GNA15: variants seen among roughly 807,000 people sequenced by gnomAD.
GNA15 encodes the protein G protein subunit alpha 15, also known as guanine nucleotide-binding protein subunit alpha-15.
Under a neutral mutation model 40.1 loss-of-function variants are expected in GNA15, and 23 were observed. The observed-to-expected ratio is 0.57, with a 90% CI of 0.41 to 0.81. GNA15 has a LOEUF of 0.81. GNA15 is among the 40% of genes least tolerant of loss of function. The pLI, the probability that GNA15 is intolerant of heterozygous loss-of-function variation, is 0.00. For missense variants in GNA15, 522 were observed against 515.8 expected (o/e 1.01, Z -0.12); for synonymous variants, 226 against 210.4 (o/e 1.07, Z -0.64).
At position 3,155,768 on chromosome 19, in the gene GNA15, G is replaced by A; in HGVS notation, c.615-55G>A. ...TATCCCAGACGTGATGGGGGTTGGG[G>A]GTGTCACGGAGCAGGCTCCTGAGCT... On this transcript the variant is annotated intron_variant, in intron 4 of 6. Coordinates refer to ENST00000262958, the MANE Select transcript of GNA15 (RefSeq NM_002068.4). This position sits in a 1 kb window ranked among gnomAD's most constrained non-coding sequence, Gnocchi z 5.6. The A allele has an allele frequency of 6.3e-7, 1 of 1,587,854 alleles. No homozygotes were observed. Among genetic ancestry groups the A allele is most frequent in the South Asian group, 1.1e-5 (1 of 88,188 alleles).
intron 1 of GNA15, among the ~76,000 whole-genome samples, chr19:3,139,509 C>T (rs1230597204): frequency 6.8e-6 from 1 of 147,148 alleles, no homozygotes; most frequent in Non-Finnish European, 1.5e-5. Context: ...GTGAGAGGAT[C>T]ACTTGAGCCT....
rs974709057 is a variant in GNA15 at position 3,136,150 on chromosome 19, C to T, written c.-301C>T. ...CTCACCCTCTCCTGGCACCCTTCAC[C>T]GTCAACCTGTCGGGCCGGGTCTGAG... On this transcript the variant is annotated 5_prime_UTR_variant, in exon 1 of 7. Coordinates refer to ENST00000262958, the MANE Select transcript of GNA15 (RefSeq NM_002068.4). This position sits in a 1 kb window ranked among gnomAD's most constrained non-coding sequence, Gnocchi z 4.9. 2.2e-5 allele frequency: 6 copies of T among 269,230 alleles called. No homozygotes were observed. Among genetic ancestry groups the T allele is most frequent in the African/African-American group, 6.8e-5 (3 of 43,920 alleles). The allele number at this position is 269,230 out of a possible 1,614,324, so 16.7% of individuals were successfully genotyped here. A position where few individuals can be genotyped will look rare whatever the true frequency, so the allele number is the denominator to read the frequency against.
intron 1 of GNA15, among the ~76,000 whole-genome samples, chr19:3,137,858 G>C (rs1343549888): frequency 2.0e-5 from 3 of 152,148 alleles, no homozygotes; most frequent in Non-Finnish European, 2.9e-5. Context: ...CTACTCGGGA[G>C]GCTGAGGCAT....
At chr19:3,160,283 T>A (rs1280912236) in intron 6 of GNA15, among the ~76,000 whole-genome samples, 2 of 152,044 alleles carry the variant, frequency 1.3e-5, no homozygotes, top group Non-Finnish European at 2.9e-5. Context: ...CCCTCTCCCA[T>A]CTCATCTCTC....
intron 5 of GNA15, among the ~76,000 whole-genome samples, chr19:3,157,253 C>A (rs1915051762): frequency 6.6e-6 from 1 of 152,178 alleles, no homozygotes; most frequent in African/African-American, 2.4e-5. Flanking sequence ...CCCGCCTTGG[C>A]CTCCCAAAGT....
chr19:3,148,555 G>A lies in GNA15; in HGVS notation c.146-36G>A, dbSNP rs561904873. 8.6e-6 allele frequency: 13 copies of A among 1,519,450 alleles called. No individual in the cohort carries two copies. The South Asian group carries it at 1.2e-4, about 15-fold the overall frequency. The allele number at this position is 1,519,450 out of a possible 1,614,324, so 94.1% of individuals were successfully genotyped here. On this transcript the variant is annotated intron_variant, in intron 1 of 6. Transcript: ENST00000262958. ...TGGGGGTGTCGGGGGTGGGAGTCCC[G>A]TGGAGGGCTGAGCGGTTCTGCTGCT...
intron 5 of GNA15, among the ~76,000 whole-genome samples, chr19:3,156,419 G>T (rs1043306768): frequency 9.2e-5 from 11 of 119,036 alleles, no homozygotes; most frequent in Admixed American, 2.4e-4. Flanking sequence ...GCACACACAT[G>T]AACACACACA....
intron 1 of GNA15, among the ~76,000 whole-genome samples, chr19:3,141,305 A>G (rs551646075): frequency 1.1e-4 from 16 of 152,288 alleles, no homozygotes; most frequent in African/African-American, 3.8e-4. Flanking sequence ...AAAAACAAAA[A>G]AAGAAAAGAA....
At chr19:3,148,471 T>C (rs1914787316) in intron 1 of GNA15, 120 bp from the exon 2 acceptor site, 1 of 922,868 alleles carries the variant, frequency 1.1e-6, no homozygotes, top group Admixed American at 2.8e-5. Flanking sequence ...AGGTCCCGGC[T>C]GCACCGGGGT....
intron 6 of GNA15, among the ~76,000 whole-genome samples, chr19:3,161,144 A>G (rs1414356249): frequency 1.3e-5 from 2 of 151,950 alleles, no homozygotes; most frequent in Non-Finnish European, 2.9e-5. Context: ...GGGTTTCGCC[A>G]TGTTGCCCAG....
Position 3,160,937 on chromosome 19 carries a change from CTTTT to C in GNA15, c.899-1836_899-1833del, listed in dbSNP as rs149959587. ...TAGGGCCCATACTTTGGTATGACCA[CTTTT>C]TTTTTTTTTTTTTTTTTTTGAGACA... On this transcript the variant is annotated intron_variant, in intron 6 of 6. Coordinates refer to ENST00000262958, the MANE Select transcript of GNA15 (RefSeq NM_002068.4). 9.5e-3 allele frequency among the ~76,000 whole-genome samples: 961 copies of C among 101,420 alleles called. 5 individuals are homozygous for C. Among genetic ancestry groups the C allele is most frequent in the Non-Finnish European group, 0.012 (644 of 53,050 alleles). The allele number at this position is 101,420 out of a possible 152,430, so 66.5% of individuals were successfully genotyped here.
intron 2 of GNA15, 25 bp downstream of exon 2, chr19:3,148,800 C>A (rs765452996): frequency 6.4e-7 from 1 of 1,565,890 alleles, no homozygotes; most frequent in East Asian, 2.3e-5. Flanking sequence ...CAGGCAGGGG[C>A]CCAGGGCAGG....
Position 3,151,648 on chromosome 19 carries a change from C to T in GNA15, c.486-59C>T. On this transcript the variant is annotated intron_variant, in intron 3 of 6. Coordinates refer to ENST00000262958, the MANE Select transcript of GNA15 (RefSeq NM_002068.4). The surrounding 1 kb of genome is among the most constrained non-coding windows in gnomAD (Gnocchi z 5.0). ...GGTCCTTGCTGGGCCTTTCGTAGGG[C>T]CTGGGAAGCAAAGGGAGGCTGGCTG... 1.3e-6 allele frequency: 2 copies of T among 1,504,184 alleles called. No homozygotes were observed. The highest frequency in any genetic ancestry group is 1.8e-6 in the Non-Finnish European group (2 of 1,124,856). 93.2% of individuals were successfully genotyped at this position (1,504,184 alleles called of 1,614,324 possible). A position where few individuals can be genotyped will look rare whatever the true frequency, so the allele number is the denominator to read the frequency against.
chr19:3,146,630 G>A (rs1457894695), intron 1 of GNA15: 1 of 152,476 alleles, frequency 6.6e-6, no homozygotes, highest in Admixed American at 6.6e-5. Flanking sequence ...TCTCAAATAT[G>A]TCCTCTCCTC....
chr19:3,144,728 C>T lies in GNA15; in HGVS notation c.146-3863C>T, dbSNP rs532961504. On this transcript the variant is annotated intron_variant, in intron 1 of 6. Coordinates refer to ENST00000262958, the MANE Select transcript of GNA15 (RefSeq NM_002068.4). Reference sequence around the variant, plus strand: ...TATTTTTAGTAGAGACGGGGTTTCACCGTGTTAGCCAGGATGGTCTCGATC... The same window carrying T: ...TATTTTTAGTAGAGACGGGGTTTCATCGTGTTAGCCAGGATGGTCTCGATC... Among the ~76,000 whole-genome samples, 8 of 150,030 alleles carry T rather than the reference C, an allele frequency of 5.3e-5. No individual in the cohort carries two copies. In the South Asian group the frequency reaches 6.3e-4, roughly 12 times the overall value.
At chr19:3,148,898 A>C in intron 2 of GNA15, 123 bp downstream of exon 2, 3 of 978,042 alleles carry the variant, frequency 3.1e-6, no homozygotes, top group Admixed American at 5.6e-5. Flanking sequence ...CAGGGCAGGC[A>C]GGGAAGGGTC....
In GNA15 at chr19:3,136,687, T is replaced by A; in HGVS notation, c.145+92T>A. 1 of 1,190,058 alleles carries A rather than the reference T, an allele frequency of 8.4e-7. No homozygotes were observed. Among genetic ancestry groups the A allele is most frequent in the Non-Finnish European group, 1.2e-6 (1 of 843,786 alleles). The allele number at this position is 1,190,058 out of a possible 1,614,324, so 73.7% of individuals were successfully genotyped here. A position where few individuals can be genotyped will look rare whatever the true frequency, so the allele number is the denominator to read the frequency against. ...GGGCAAGGAGGCGGATCAGGCTAGG[T>A]CAGACATTGGCATCGTGGAGCCGTC... On this transcript the variant is annotated intron_variant, in intron 1 of 6. Transcript: ENST00000262958. The surrounding 1 kb of genome is among the most constrained non-coding windows in gnomAD (Gnocchi z 4.9).
intron 2 of GNA15, chr19:3,149,098 CAAAT>C: frequency 6.1e-6 from 2 of 328,714 alleles, no homozygotes; most frequent in Non-Finnish European, 5.8e-6. Context: ...CACACATACA[CAAAT>C]GAATGCACAC....
intron 4 of GNA15, among the ~76,000 whole-genome samples, chr19:3,152,433 A>G (rs939164827): frequency 2.6e-5 from 4 of 152,110 alleles, no homozygotes; most frequent in Non-Finnish European, 5.9e-5. Context: ...TGATGGGGGT[A>G]GACAGTGGAG....
Sources: gnomAD v4.1 joint callset for allele counts (sites outside exome capture counted in the v4.1 genomes callset) on GRCh38, gnomAD v4.1.1 for gene constraint, Gnocchi (gnomAD v3.1) non-coding constraint, MANE v1.5 for transcripts, NCBI Gene and HGNC (gene_info 2026-07-23, HGNC 2026-07-21) for gene names.